Variants in GADL1 observed in about 807,000 individuals in gnomAD.
GADL1 encodes acidic amino acid decarboxylase GADL1.
Under a neutral mutation model 69.5 loss-of-function variants are expected in GADL1, and 71 were observed. The ratio of observed to expected loss-of-function variants is 1.02; its 90% CI spans 0.84 to 1.25. The LOEUF (loss-of-function observed/expected upper bound fraction) is 1.25, where lower values mean the gene tolerates loss of function less well. GADL1 is among the 50% of genes most tolerant of loss of function. The pLI, the probability that GADL1 is intolerant of heterozygous loss-of-function variation, is 0.00. For missense variants in GADL1, 737 were observed against 631.8 expected, an observed-to-expected ratio of 1.17 and a Z score of -1.79; for synonymous variants, 254 against 214.4, an observed-to-expected ratio of 1.18 and a Z score of -1.62.
chr3:30,803,320 C>T (rs1374348997), intron 11 of GADL1, among the ~76,000 whole-genome samples: 1 of 152,138 alleles, frequency 6.6e-6, no homozygotes, highest in Non-Finnish European at 1.5e-5. Context: ...TCCATAGCAA[C>T]TACACTGACC....
chr3:30,892,824 T>C (rs981839959), intron 1 of GADL1, among the ~76,000 whole-genome samples: 2 of 152,220 alleles, frequency 1.3e-5, no homozygotes, highest in African/African-American at 4.8e-5. Context: ...ATCTATACTT[T>C]TCAATCCATT....
chr3:30,882,869 A>G lies in GADL1; in HGVS notation c.37+11709T>C, dbSNP rs181315086. ...TTTTTTTTTTATAGTAGCCATCTTA[A>G]TGGATGTAAGGTGATAGTGTGGTTT... is the stretch of plus-strand genomic sequence containing the variant. On this transcript the variant is annotated intron_variant, in intron 1 of 14. Coordinates refer to ENST00000282538, the MANE Select transcript of GADL1 (RefSeq NM_207359.3). Among the ~76,000 whole-genome samples, 122 of 151,938 alleles carry G rather than the reference A, an allele frequency of 8.0e-4. 1 individual carries two copies. Among genetic ancestry groups the G allele is most frequent in the African/African-American group, 2.8e-3 (116 of 41,498 alleles).
intron 12 of GADL1, chr3:30,798,568 G>A (rs1182078449): frequency 6.6e-6 from 1 of 152,078 alleles, no homozygotes; most frequent in Non-Finnish European, 1.5e-5. Context: ...GATGAGATTT[G>A]GGTGAGGACA....
intron 1 of GADL1, among the ~76,000 whole-genome samples, chr3:30,883,415 CAT>C (rs1698667518): frequency 6.6e-6 from 1 of 151,938 alleles, no homozygotes; most frequent in African/African-American, 2.4e-5. Context: ...GTTCTTTCTC[CAT>C]AGAGTGGTCT....
At chr3:30,890,209 A>C (rs545866091) in intron 1 of GADL1, among the ~76,000 whole-genome samples, 1 of 152,198 alleles carries the variant, frequency 6.6e-6, no homozygotes, top group Non-Finnish European at 1.5e-5. Flanking sequence ...AGAACTTAAG[A>C]TTTCGGGAAT....
intron 14 of GADL1, among the ~76,000 whole-genome samples, chr3:30,767,512 GAA>G (rs551464827): frequency 9.9e-5 from 15 of 152,222 alleles, no homozygotes; most frequent in Non-Finnish European, 5.9e-5. Flanking sequence ...GAATTAATTA[GAA>G]AAACTTGATA....
At chr3:30,775,985 T>C (rs1003493925) in intron 14 of GADL1, among the ~76,000 whole-genome samples, 4 of 151,958 alleles carry the variant, frequency 2.6e-5, no homozygotes, top group African/African-American at 4.8e-5. Context: ...CTCGGGAGAC[T>C]AGGGATGTGG....
chr3:30,869,579 AGAAAAC>A (rs1698451772), intron 1 of GADL1, among the ~76,000 whole-genome samples: 1 of 151,904 alleles, frequency 6.6e-6, no homozygotes, highest in Admixed American at 6.6e-5. Flanking sequence ...AGGAGTAAAC[AGAAAAC>A]TATGTTTACA....
rs181747539 is a variant in GADL1 at position 30,831,466 on chromosome 3, A to T, written c.1050+2387T>A. ...CTGCAACTAACAGATTACCCAATGGAGATGGTTTCAGTAGTAAGAACATTT... is the reference window on the plus strand; with the variant it reads ...CTGCAACTAACAGATTACCCAATGGTGATGGTTTCAGTAGTAAGAACATTT... On this transcript the variant is annotated intron_variant, in intron 11 of 14. Coordinates refer to ENST00000282538, the MANE Select transcript of GADL1 (RefSeq NM_207359.3). Among the ~76,000 whole-genome samples, 63 of 152,070 alleles carry T rather than the reference A, an allele frequency of 4.1e-4. 1 individual carries two copies. The highest frequency in any genetic ancestry group is 3.4e-3 in the Middle Eastern group (1 of 294).
intron 14 of GADL1, among the ~76,000 whole-genome samples, chr3:30,760,235 A>G (rs1696095401): frequency 6.6e-6 from 1 of 152,160 alleles, no homozygotes; most frequent in South Asian, 2.1e-4. Flanking sequence ...CTCGAGGTTC[A>G]TCTCCTTCGT....
Position 30,727,687 on chromosome 3 carries a change from G to A in GADL1, c.*555C>T, listed in dbSNP as rs1019979257. The A allele has an allele frequency of 6.6e-6, 1 of 152,032 alleles. No homozygotes were observed. Among genetic ancestry groups the A allele is most frequent in the African/African-American group, 2.4e-5 (1 of 41,380 alleles). 9.4% of individuals were successfully genotyped at this position (152,032 alleles called of 1,614,324 possible). A position where few individuals can be genotyped will look rare whatever the true frequency, so the allele number is the denominator to read the frequency against. On this transcript the variant is annotated 3_prime_UTR_variant, in exon 15 of 15. Coordinates refer to ENST00000282538, the MANE Select transcript of GADL1 (RefSeq NM_207359.3). ...TGGCAAAACATCAGAGTGGGTATTCGATCATTACAAGGTTTTTCTTAAACC... is the reference window on the plus strand; with the variant it reads ...TGGCAAAACATCAGAGTGGGTATTCAATCATTACAAGGTTTTTCTTAAACC...
chr3:30,805,893 G>GA (rs1311017227), intron 11 of GADL1, among the ~76,000 whole-genome samples: 11 of 151,886 alleles, frequency 7.2e-5, no homozygotes, highest in African/African-American at 2.7e-4. Context: ...ACGTGACCTA[G>GA]ATCCCTCTTA....
At chr3:30,812,627 G>A (rs1172784982) in intron 11 of GADL1, among the ~76,000 whole-genome samples, 1 of 152,120 alleles carries the variant, frequency 6.6e-6, no homozygotes, top group Non-Finnish European at 1.5e-5. Flanking sequence ...TGAGATTTGG[G>A]TGGGGATAGA....
chr3:30,891,595 TG>T, intron 1 of GADL1, among the ~76,000 whole-genome samples: 1 of 151,764 alleles, frequency 6.6e-6, no homozygotes, highest in East Asian at 2.0e-4. Context: ...GTGAGAGCCC[TG>T]GGTTTAACGC....
At chr3:30,797,490 A>T (rs139814702) in intron 12 of GADL1, among the ~76,000 whole-genome samples, 1 of 152,160 alleles carries the variant, frequency 6.6e-6, no homozygotes, top group Non-Finnish European at 1.5e-5. Context: ...AATTCCTTTA[A>T]TCTTTACAGT....
Position 30,862,669 on chromosome 3 carries a change from C to T in GADL1, c.38-904G>A, listed in dbSNP as rs375565540. On this transcript the variant is annotated intron_variant, in intron 1 of 14. Transcript: ENST00000282538. ...AAGATCCATCTTGTATTGGATGTAT[C>T]TGAATTATCGAAGTATCTAAGAGGG... Among the ~76,000 whole-genome samples, 17 of 152,084 alleles carry T rather than the reference C, an allele frequency of 1.1e-4. 1 individual carries two copies. The highest frequency in any genetic ancestry group is 5.8e-4 in the East Asian group (3 of 5,144).
intron 14 of GADL1, among the ~76,000 whole-genome samples, chr3:30,754,073 T>C (rs552742205): frequency 3.6e-4 from 55 of 152,318 alleles, no homozygotes; most frequent in African/African-American, 1.3e-3. Context: ...TAAACTAAAT[T>C]AGTCACACAG....
intron 8 of GADL1, among the ~76,000 whole-genome samples, chr3:30,840,279 A>G (rs757131583): frequency 1.3e-5 from 2 of 152,164 alleles, no homozygotes; most frequent in African/African-American, 2.4e-5. Flanking sequence ...TTATTTCTCA[A>G]TGGAAAGTGG....
chr3:30,784,400 C>T (rs2125498867), intron 13 of GADL1, among the ~76,000 whole-genome samples: 1 of 147,632 alleles, frequency 6.8e-6, no homozygotes, highest in South Asian at 2.1e-4. Context: ...CCAGGTTGTT[C>T]TGCAGAACTT....
Sources: gnomAD v4.1 joint callset for allele counts (sites outside exome capture counted in the v4.1 genomes callset) on GRCh38, gnomAD v4.1.1 for gene constraint, MANE v1.5 for transcripts, NCBI Gene and HGNC (gene_info 2026-07-23, HGNC 2026-07-21) for gene names.